Variants in PCP4 observed in about 807,000 individuals in gnomAD.
The protein encoded by PCP4 is Purkinje cell protein 4.
A neutral mutation model predicts 10.0 loss-of-function variants in PCP4; 8 were observed. That is an observed-to-expected ratio of 0.80 (90% confidence interval 0.47 to 1.45). The LOEUF is 1.45. Among genes scored for constraint, PCP4 ranks in the 40% most tolerant of loss-of-function variants. The pLI is 0.00. For synonymous variants in PCP4, 21 were observed against 23.0 expected (o/e 0.91, Z 0.24); for missense variants, 54 against 74.4 (o/e 0.73, Z 1.01).
intron 1 of PCP4, among the ~76,000 whole-genome samples, chr21:39,896,543 C>T (rs2087457699): frequency 6.6e-6 from 1 of 152,174 alleles, no homozygotes; most frequent in African/African-American, 2.4e-5. Context: ...AATGGTTTAC[C>T]TGATTTAAAT....
At chr21:39,882,925 C>T (rs574132839) in intron 1 of PCP4, among the ~76,000 whole-genome samples, 3 of 152,322 alleles carry the variant, frequency 2.0e-5, no homozygotes, top group South Asian at 2.1e-4. Flanking sequence ...GCAACTTCTA[C>T]GTAGACTGTG....
At chr21:39,868,064 A>G (rs149003668) in intron 1 of PCP4, among the ~76,000 whole-genome samples, 1,568 of 152,306 alleles carry the variant, frequency 0.01, 24 homozygotes, top group African/African-American at 0.036. Context: ...TGTGGCTCTA[A>G]GACCGGAGGC....
At chr21:39,883,842 A>T (rs2087387500) in intron 1 of PCP4, among the ~76,000 whole-genome samples, 1 of 152,220 alleles carries the variant, frequency 6.6e-6, no homozygotes, top group African/African-American at 2.4e-5. Flanking sequence ...AAGGAGAAAC[A>T]TCTCTTCTTA....
intron 1 of PCP4, among the ~76,000 whole-genome samples, chr21:39,875,091 T>C (rs1223452965): frequency 6.6e-6 from 1 of 152,214 alleles, no homozygotes. Flanking sequence ...CCTCAGAAAG[T>C]GAAACCAAGG....
intron 1 of PCP4, among the ~76,000 whole-genome samples, chr21:39,886,078 T>G (rs546758121): frequency 6.6e-6 from 1 of 152,298 alleles, no homozygotes; most frequent in African/African-American, 2.4e-5. Context: ...CAGTCCTATT[T>G]GATTAGAGCC....
At chr21:39,886,405 C>G (rs1223033269) in intron 1 of PCP4, among the ~76,000 whole-genome samples, 1 of 152,138 alleles carries the variant, frequency 6.6e-6, no homozygotes, top group Non-Finnish European at 1.5e-5. Context: ...TAGTAAAATA[C>G]TAGTAAAAAT....
At chr21:39,875,311 T>G (rs895871860) in intron 1 of PCP4, among the ~76,000 whole-genome samples, 3 of 151,724 alleles carry the variant, frequency 2.0e-5, no homozygotes, top group African/African-American at 7.3e-5. Flanking sequence ...ATGGGTCAAA[T>G]TTTGAGCTGA....
chr21:39,927,353 C>T (rs28675350), intron 2 of PCP4, among the ~76,000 whole-genome samples: 3 of 62,642 alleles, frequency 4.8e-5, no homozygotes, highest in East Asian at 6.7e-4. Flanking sequence ...ATCTATCTAT[C>T]TATCTATCTA....
At chr21:39,927,764 C>T (rs1423532188) in intron 2 of PCP4, among the ~76,000 whole-genome samples, 1 of 152,154 alleles carries the variant, frequency 6.6e-6, no homozygotes, top group Non-Finnish European at 1.5e-5. Flanking sequence ...GAGCTAACTC[C>T]AAGGCCTCCT....
intron 1 of PCP4, among the ~76,000 whole-genome samples, chr21:39,868,074 C>T (rs1168536881): frequency 2.0e-5 from 3 of 152,150 alleles, no homozygotes; most frequent in African/African-American, 4.8e-5. Context: ...AGACCGGAGG[C>T]GGCCCCGGCA....
In PCP4 at chr21:39,929,050, C is replaced by T. The variant is rs370108351; in HGVS notation, c.128C>T (p.Ala43Val). Reference protein sequence around the residue: ...DMDAPETERAAVAIQSQFRKF... With the variant: ...DMDAPETERAVVAIQSQFRKF... ...GATGCACCAGAGACAGAACGTGCAGCGGTGGCCATTCAGTCTCAGTTCAGA... is the reference window on the plus strand; with the variant it reads ...GATGCACCAGAGACAGAACGTGCAGTGGTGGCCATTCAGTCTCAGTTCAGA... The change falls in exon 3 of 3, where the codon GCG becomes GTG. Residue 43 changes from alanine to valine, a missense_variant. Transcript: ENST00000328619. The T allele has an allele frequency of 4.3e-5, 70 of 1,613,050 alleles. No individual in the cohort carries two copies. Among genetic ancestry groups the T allele is most frequent in the African/African-American group, 5.3e-5 (4 of 74,798 alleles).
chr21:39,888,466 T>TC (rs1214713040), intron 1 of PCP4, among the ~76,000 whole-genome samples: 2 of 152,192 alleles, frequency 1.3e-5, no homozygotes, highest in Non-Finnish European at 2.9e-5. Flanking sequence ...TCCTTAGATG[T>TC]GGCCAGTAGG....
At chr21:39,889,365 C>T (rs2299754) in intron 1 of PCP4, among the ~76,000 whole-genome samples, 18,963 of 151,394 alleles carry the variant, frequency 0.13, 1,348 homozygotes, top group East Asian at 0.22. Context: ...GTGAGCCCCC[C>T]GCCCAGTCCA....
At chr21:39,895,685 G>T (rs561782543) in intron 1 of PCP4, among the ~76,000 whole-genome samples, 1 of 152,348 alleles carries the variant, frequency 6.6e-6, no homozygotes, top group Non-Finnish European at 1.5e-5. Context: ...CCCCATCAGG[G>T]ATGCTGTCAG....
chr21:39,896,997 G>A (rs1233528356), intron 1 of PCP4, among the ~76,000 whole-genome samples: 2 of 152,010 alleles, frequency 1.3e-5, no homozygotes, highest in Non-Finnish European at 2.9e-5. Flanking sequence ...AATTCCTGAG[G>A]TCAAGGAAGT....
At chr21:39,919,818 T>C (rs1425496338) in intron 2 of PCP4, among the ~76,000 whole-genome samples, 1 of 151,260 alleles carries the variant, frequency 6.6e-6, no homozygotes, top group Non-Finnish European at 1.5e-5. Flanking sequence ...TGTGAGTGTG[T>C]GGTATGTTTG....
chr21:39,911,243 T>C (rs75348593), intron 2 of PCP4, among the ~76,000 whole-genome samples: 3,065 of 152,274 alleles, frequency 0.02, 110 homozygotes, highest in African/African-American at 0.07. Context: ...TTATTTTTGT[T>C]GAAATAACAA....
At chr21:39,914,659 G>T (rs1251104997) in intron 2 of PCP4, among the ~76,000 whole-genome samples, 2 of 152,086 alleles carry the variant, frequency 1.3e-5, no homozygotes, top group South Asian at 2.1e-4. Flanking sequence ...AACTCAGTGG[G>T]TTCAAGTGAG....
intron 1 of PCP4, among the ~76,000 whole-genome samples, chr21:39,880,663 ACTT>A (rs1447300970): frequency 1.3e-5 from 2 of 152,124 alleles, no homozygotes; most frequent in Middle Eastern, 3.2e-3. Context: ...TTTGGTCCTC[ACTT>A]CTTCTTCCTG....
Sources: gnomAD v4.1 joint callset for allele counts (sites outside exome capture counted in the v4.1 genomes callset) on GRCh38, gnomAD v4.1.1 for gene constraint, MANE v1.5 for transcripts, NCBI Gene and HGNC (gene_info 2026-07-23, HGNC 2026-07-21) for gene names.